DSCAML1: variants seen among roughly 807,000 people sequenced by gnomAD.
DSCAML1 encodes the protein cell adhesion molecule DSCAML1.
In DSCAML1, 38 loss-of-function variants were observed where a neutral mutation model predicts 200.5. The ratio of observed to expected loss-of-function variants is 0.19; its 90% CI spans 0.15 to 0.25. DSCAML1 has a LOEUF of 0.25. Ranked by LOEUF, DSCAML1 falls within the 10% of genes least tolerant of loss-of-function variation. The pLI is 1.00. For synonymous variants in DSCAML1, 1,215 were observed against 1,165.0 expected, an observed-to-expected ratio of 1.04 and a Z score of -0.87; for missense variants, 2,223 against 2,858.8, an observed-to-expected ratio of 0.78 and a Z score of 5.07.
At chr11:117,675,470 A>ATTTTTTTT (rs533948278) in intron 3 of DSCAML1, among the ~76,000 whole-genome samples, 41 of 96,926 alleles carry the variant, frequency 4.2e-4, no homozygotes, top group East Asian at 2.7e-3. Context: ...GCTGATTGAA[A>ATTTTTTTT]TTTTTTTTTT....
At chr11:117,670,721 G>A (rs1591383192) in intron 3 of DSCAML1, among the ~76,000 whole-genome samples, 2 of 152,130 alleles carry the variant, frequency 1.3e-5, no homozygotes, top group African/African-American at 4.8e-5. Flanking sequence ...TCTGTGCTTG[G>A]GTAACGTTTC....
In DSCAML1 at chr11:117,504,180, G is replaced by A. The variant is rs2049448536; in HGVS notation, c.2183-159C>T. Among the ~76,000 whole-genome samples the A allele has an allele frequency of 6.6e-6, 1 of 152,188 alleles. No individual in the cohort carries two copies. Among genetic ancestry groups the A allele is most frequent in the South Asian group, 2.1e-4 (1 of 4,828 alleles). ...TGCTGAGGCCACATGGCTCCTGGTG[G>A]GCAACAGGAAAGACCCCCCCACCAG... On this transcript the variant is annotated intron_variant, in intron 10 of 32. Coordinates refer to ENST00000651296, the MANE Select transcript of DSCAML1 (RefSeq NM_020693.4). The surrounding 1 kb of genome is among the most constrained non-coding windows in gnomAD (Gnocchi z 5.0).
At chr11:117,697,786 T>G (rs1417155724) in intron 3 of DSCAML1, among the ~76,000 whole-genome samples, 1 of 151,842 alleles carries the variant, frequency 6.6e-6, no homozygotes, top group African/African-American at 2.4e-5. Context: ...TTTTTTTTTT[T>G]TTTTAGACGG....
chr11:117,447,425 G>A (rs878973708), intron 20 of DSCAML1, among the ~76,000 whole-genome samples: 1 of 152,178 alleles, frequency 6.6e-6, no homozygotes, highest in Non-Finnish European at 1.5e-5. Flanking sequence ...CTCAAAACCT[G>A]TACTATGTGT....
chr11:117,717,224 C>A (rs992906443), intron 3 of DSCAML1, among the ~76,000 whole-genome samples: 3 of 152,174 alleles, frequency 2.0e-5, no homozygotes, highest in African/African-American at 7.2e-5. Context: ...GCCAAGGACA[C>A]CGCCTGGGGC....
At chr11:117,663,328 G>A (rs1188472692) in intron 3 of DSCAML1, among the ~76,000 whole-genome samples, 2 of 152,050 alleles carry the variant, frequency 1.3e-5, no homozygotes, top group Non-Finnish European at 2.9e-5. Context: ...CCCAAACTGG[G>A]CTCTGCTTCT....
chr11:117,785,595 A>G (rs948102), intron 1 of DSCAML1, among the ~76,000 whole-genome samples: 78,189 of 151,942 alleles, frequency 0.51, 20,488 homozygotes, highest in Non-Finnish European at 0.56. Context: ...TTGCAAGCTT[A>G]GGAAAGCAAG....
intron 3 of DSCAML1, among the ~76,000 whole-genome samples, chr11:117,608,873 T>TGC (rs2051627465): frequency 2.6e-5 from 4 of 151,788 alleles, no homozygotes; most frequent in African/African-American, 9.7e-5. Context: ...TTGAGCATTA[T>TGC]ATCTGCCAAA....
At chr11:117,764,690 C>T (rs151162314) in intron 3 of DSCAML1, among the ~76,000 whole-genome samples, 120 of 152,336 alleles carry the variant, frequency 7.9e-4, no homozygotes, top group East Asian at 5.0e-3. Flanking sequence ...CCTTCCTGGG[C>T]GCAGGCCCTG....
In DSCAML1 at chr11:117,757,585, C is replaced by G. The variant is rs771782847; in HGVS notation, c.511+19206G>C. On this transcript the variant is annotated intron_variant, in intron 3 of 32. Transcript: ENST00000651296. The stretch of plus-strand genomic sequence containing the variant: ...AATTAGGAGCCTATACACACACACA[C>G]ACACACACACACACACACACACACA... 7.4e-3 allele frequency among the ~76,000 whole-genome samples: 775 copies of G among 104,236 alleles called. 2 individuals are homozygous for G. Among genetic ancestry groups the G allele is most frequent in the African/African-American group, 0.019 (402 of 21,142 alleles). The allele number at this position is 104,236 out of a possible 152,430, so 68.4% of individuals were successfully genotyped here. A position where few individuals can be genotyped will look rare whatever the true frequency, so the allele number is the denominator to read the frequency against.
rs925016298 is a variant in DSCAML1 at position 117,480,891 on chromosome 11, C to T, written c.2656+283G>A. The stretch of plus-strand genomic sequence containing the variant: ...TCCCTTCCCACACCTGCTGCAGGGG[C>T]CTGGACCCAGGAACCTGACTCCCCC... On this transcript the variant is annotated intron_variant, in intron 13 of 32. Coordinates refer to ENST00000651296, the MANE Select transcript of DSCAML1 (RefSeq NM_020693.4). This position sits in a 1 kb window ranked among gnomAD's most constrained non-coding sequence, Gnocchi z 4.1. 2.0e-5 allele frequency among the ~76,000 whole-genome samples: 3 copies of T among 152,170 alleles called. No individual in the cohort carries two copies. The highest frequency in any genetic ancestry group is 3.9e-4 in the East Asian group (2 of 5,188).
chr11:117,752,700 C>G (rs1039237616), intron 3 of DSCAML1, among the ~76,000 whole-genome samples: 2 of 152,238 alleles, frequency 1.3e-5, no homozygotes, highest in Non-Finnish European at 2.9e-5. Flanking sequence ...CTGCTAAGAA[C>G]TGTTTCTTCT....
intron 3 of DSCAML1, among the ~76,000 whole-genome samples, chr11:117,701,572 G>T (rs111921895): frequency 5.3e-5 from 8 of 152,184 alleles, no homozygotes; most frequent in Admixed American, 5.2e-4. Flanking sequence ...GAAGAGCCAC[G>T]AGGGCTGTGC....
intron 1 of DSCAML1, among the ~76,000 whole-genome samples, chr11:117,808,451 TG>T (rs1337266572): frequency 3.3e-5 from 5 of 152,150 alleles, no homozygotes; most frequent in Middle Eastern, 6.3e-3. Context: ...TGAGAGCATT[TG>T]CCATCTCTGG....
At chr11:117,637,340 A>G (rs148104299) in intron 3 of DSCAML1, among the ~76,000 whole-genome samples, 2,149 of 151,184 alleles carry the variant, frequency 0.014, 60 homozygotes, top group African/African-American at 0.05. Flanking sequence ...GTAGGTGCTC[A>G]ATAATTTTTT....
intron 2 of DSCAML1, among the ~76,000 whole-genome samples, chr11:117,779,353 T>C (rs1450105711): frequency 1.3e-5 from 2 of 152,138 alleles, no homozygotes; most frequent in African/African-American, 2.4e-5. Context: ...CCCCTTGGCC[T>C]CCCGACATAA....
chr11:117,587,272 ATAC>A (rs1046653192), intron 3 of DSCAML1, among the ~76,000 whole-genome samples: 1 of 135,260 alleles, frequency 7.4e-6, no homozygotes, highest in African/African-American at 2.6e-5. Context: ...CACGATTTAG[ATAC>A]TATTATGATT....
Position 117,504,539 on chromosome 11 carries a change from G to A in DSCAML1, c.2182+385C>T, listed in dbSNP as rs967297857. Among the ~76,000 whole-genome samples, 2 of 152,102 alleles carry A rather than the reference G, an allele frequency of 1.3e-5. No homozygotes were observed. The highest frequency in any genetic ancestry group is 6.5e-5 in the Admixed American group (1 of 15,282). ...CAAAGGCATCCCTGGGATGAAATTG[G>A]GCTCCAAGAAGGACCCTGACCCCAG... On this transcript the variant is annotated intron_variant, in intron 10 of 32. Transcript: ENST00000651296. The surrounding 1 kb of genome is among the most constrained non-coding windows in gnomAD (Gnocchi z 5.0).
intron 21 of DSCAML1, among the ~76,000 whole-genome samples, chr11:117,442,568 C>A (rs1229822365): frequency 6.6e-6 from 1 of 152,092 alleles, no homozygotes; most frequent in Non-Finnish European, 1.5e-5. Flanking sequence ...TCCCACCTCA[C>A]AGGGCGGCTG....
Sources: allele counts gnomAD v4.1 joint callset (sites outside exome capture counted in the v4.1 genomes callset), GRCh38; gene constraint gnomAD v4.1.1; non-coding constraint Gnocchi (gnomAD v3.1); transcripts MANE v1.5; gene names NCBI Gene and HGNC (gene_info 2026-07-23, HGNC 2026-07-21).